Variants in GXYLT2 observed in about 807,000 individuals in gnomAD.
GXYLT2 encodes the protein glucoside xylosyltransferase 2, also known as glycosyltransferase 8 domain containing 4.
Under a neutral mutation model 45.8 loss-of-function variants are expected in GXYLT2, and 53 were observed. The ratio of observed to expected loss-of-function variants is 1.16; its 90% confidence interval spans 0.93 to 1.46. The LOEUF (loss-of-function observed/expected upper bound fraction) is 1.46, where lower values mean the gene tolerates loss of function less well. GXYLT2 is among the 40% of genes most tolerant of loss of function. The probability of loss-of-function intolerance (pLI) is 0.00; values close to 1 mark genes in which losing one functional copy is unlikely to be tolerated. For synonymous variants in GXYLT2, 219 were observed against 214.2 expected (o/e 1.02, Z -0.19); for missense variants, 551 against 544.4 (o/e 1.01, Z -0.12).
At chr3:72,960,663 A>G (rs1710750976) in intron 5 of GXYLT2, among the ~76,000 whole-genome samples, 2 of 152,146 alleles carry the variant, frequency 1.3e-5, no homozygotes, top group Non-Finnish European at 2.9e-5. Flanking sequence ...TGATCTTCCT[A>G]TTTCATACTT....
intron 5 of GXYLT2, among the ~76,000 whole-genome samples, chr3:72,963,954 C>T (rs1436396604): frequency 2.6e-5 from 4 of 152,074 alleles, no homozygotes; most frequent in Middle Eastern, 3.4e-3. Flanking sequence ...GGATTACAGG[C>T]GTGAGCCACC....
intron 5 of GXYLT2, among the ~76,000 whole-genome samples, chr3:72,961,300 T>C (rs1049906595): frequency 2.0e-5 from 3 of 152,098 alleles, no homozygotes; most frequent in African/African-American, 4.8e-5. Flanking sequence ...AAGATGTGTT[T>C]AGATGAATGC....
chr3:72,916,614 A>T (rs1259804828), intron 2 of GXYLT2, among the ~76,000 whole-genome samples: 2 of 151,994 alleles, frequency 1.3e-5, no homozygotes, highest in South Asian at 4.1e-4. Context: ...ATCTCCACTC[A>T]CTGCAACCTC....
At position 72,966,597 on chromosome 3, in the gene GXYLT2, C is replaced by G. The variant is rs542876116; in HGVS notation, c.977-950C>G. Among the ~76,000 whole-genome samples, 20 of 150,666 alleles carry G rather than the reference C, an allele frequency of 1.3e-4. No individual in the cohort carries two copies. In the South Asian group the frequency reaches 4.2e-3, roughly 32 times the overall value. Reference sequence around the variant, plus strand: ...AAGTAGCTTCAAGTGTGCCACCATGCCTGGCTAATTTATTTTTGTAATTTT... The same window carrying G: ...AAGTAGCTTCAAGTGTGCCACCATGGCTGGCTAATTTATTTTTGTAATTTT... On this transcript the variant is annotated intron_variant, in intron 5 of 6. Coordinates refer to ENST00000389617, the MANE Select transcript of GXYLT2 (RefSeq NM_001080393.2).
intron 1 of GXYLT2, among the ~76,000 whole-genome samples, chr3:72,895,816 A>G (rs1444115968): frequency 6.6e-6 from 1 of 152,246 alleles, no homozygotes; most frequent in Non-Finnish European, 1.5e-5. Flanking sequence ...ATTTTGTGCC[A>G]GAAAAGAGTA....
chr3:72,900,505 C>T (rs1709383607), intron 1 of GXYLT2, among the ~76,000 whole-genome samples: 1 of 152,204 alleles, frequency 6.6e-6, no homozygotes, highest in Middle Eastern at 3.4e-3. Flanking sequence ...ACCTCCACCT[C>T]CCCAGTTCAA....
At chr3:72,932,858 A>G (rs776976282) in intron 3 of GXYLT2, among the ~76,000 whole-genome samples, 3 of 152,214 alleles carry the variant, frequency 2.0e-5, no homozygotes, top group Non-Finnish European at 4.4e-5. Flanking sequence ...TTATATAGAG[A>G]CAGTATGGTA....
intron 2 of GXYLT2, among the ~76,000 whole-genome samples, chr3:72,913,025 T>G (rs990003000): frequency 1.5e-5 from 2 of 137,250 alleles, no homozygotes; most frequent in East Asian, 2.0e-4. Flanking sequence ...TTTCCTCAGG[T>G]TTTTTTTTTG....
intron 6 of GXYLT2, among the ~76,000 whole-genome samples, chr3:72,968,472 C>T (rs1205321786): frequency 2.6e-5 from 4 of 152,170 alleles, no homozygotes; most frequent in Non-Finnish European, 5.9e-5. Flanking sequence ...CTAAAAGTAA[C>T]AATCAAGCCT....
At chr3:72,930,825 C>T (rs1023717268) in intron 3 of GXYLT2, among the ~76,000 whole-genome samples, 1 of 152,108 alleles carries the variant, frequency 6.6e-6, no homozygotes, top group Admixed American at 6.5e-5. Context: ...AACCCCTGGG[C>T]TCAAGTGATC....
chr3:72,953,143 T>G (rs138207887), intron 3 of GXYLT2, among the ~76,000 whole-genome samples: 135 of 152,264 alleles, frequency 8.9e-4, no homozygotes, highest in African/African-American at 2.6e-3. Flanking sequence ...CCACAGCCTG[T>G]GAGCCAGGAG....
At chr3:72,955,727 C>G (rs557320664) in intron 4 of GXYLT2, among the ~76,000 whole-genome samples, 6 of 152,244 alleles carry the variant, frequency 3.9e-5, no homozygotes, top group Admixed American at 2.0e-4. Flanking sequence ...CATCTTTTAT[C>G]CTAGCAAAGA....
chr3:72,967,473 GT>G (rs1364613676), intron 5 of GXYLT2, 73 bp from the exon 6 acceptor site: 7 of 1,147,730 alleles, frequency 6.1e-6, no homozygotes, highest in South Asian at 1.4e-5. Context: ...AGTGGAAACA[GT>G]TTAATCGTGC....
chr3:72,969,801 G>T (rs1459383747), intron 6 of GXYLT2, among the ~76,000 whole-genome samples: 1 of 148,498 alleles, frequency 6.7e-6, no homozygotes, highest in Non-Finnish European at 1.5e-5. Flanking sequence ...AGGCTTTGTT[G>T]TTAAAGATCG....
At chr3:72,889,551 A>C (rs1338386102) in intron 1 of GXYLT2, among the ~76,000 whole-genome samples, 1 of 151,980 alleles carries the variant, frequency 6.6e-6, no homozygotes, top group African/African-American at 2.4e-5. Context: ...GGGGGAAAAA[A>C]CCCCAACAAT....
chr3:72,952,388 T>C (rs1170272181), intron 3 of GXYLT2, among the ~76,000 whole-genome samples: 1 of 152,176 alleles, frequency 6.6e-6, no homozygotes, highest in Non-Finnish European at 1.5e-5. Context: ...TCCATTTCTC[T>C]AGTAGGTGAA....
At chr3:72,902,125 T>A (rs570013426) in intron 1 of GXYLT2, among the ~76,000 whole-genome samples, 1 of 152,238 alleles carries the variant, frequency 6.6e-6, no homozygotes, top group East Asian at 1.9e-4. Context: ...CTATTGGGAA[T>A]AATGCTGCTA....
At chr3:72,954,015 C>G (rs1285609428) in intron 3 of GXYLT2, among the ~76,000 whole-genome samples, 2 of 152,146 alleles carry the variant, frequency 1.3e-5, no homozygotes, top group African/African-American at 4.8e-5. Flanking sequence ...CACTTGAGTC[C>G]AGGAGATTGA....
At chr3:72,905,180 C>A (rs540551351) in intron 1 of GXYLT2, among the ~76,000 whole-genome samples, 1 of 151,926 alleles carries the variant, frequency 6.6e-6, no homozygotes, top group Admixed American at 6.6e-5. Context: ...TGCAGTGGCA[C>A]GATCTCAGCT....
Sources: allele counts gnomAD v4.1 joint callset (sites outside exome capture counted in the v4.1 genomes callset), GRCh38; gene constraint gnomAD v4.1.1; transcripts MANE v1.5; gene names NCBI Gene and HGNC (gene_info 2026-07-23, HGNC 2026-07-21).